The following ABHD18 variants were observed in gnomAD, a reference collection of about 807,000 sequenced individuals.
ABHD18 encodes cardiolipin-specific deacylase, mitochondrial.
A neutral mutation model predicts 65.9 loss-of-function variants in ABHD18; 55 were observed. The ratio of observed to expected loss-of-function variants is 0.84; its 90% CI spans 0.67 to 1.05. ABHD18 has a LOEUF of 1.05. Among genes scored for constraint, ABHD18 ranks in the 50% least tolerant of loss-of-function variants. The pLI, the probability that ABHD18 is intolerant of heterozygous loss-of-function variation, is 0.00. For missense variants in ABHD18, 533 were observed against 558.5 expected (o/e 0.95, Z 0.46); for synonymous variants, 181 against 180.2 (o/e 1.00, Z -0.04).
intron 1 of ABHD18, among the ~76,000 whole-genome samples, chr4:127,970,093 G>T (rs976976425): frequency 1.3e-5 from 2 of 151,878 alleles, no homozygotes; most frequent in Admixed American, 6.6e-5. Context: ...ATGTTGACCA[G>T]GCTGGTTTCA....
intron 1 of ABHD18, among the ~76,000 whole-genome samples, chr4:127,976,061 G>A (rs1579138793): frequency 6.6e-6 from 1 of 152,018 alleles, no homozygotes. Context: ...CAAGTGATCC[G>A]CCTGCCTCAG....
chr4:128,006,083 G>T (rs914933447), intron 4 of ABHD18, among the ~76,000 whole-genome samples: 9 of 152,074 alleles, frequency 5.9e-5, no homozygotes, highest in African/African-American at 2.2e-4. Context: ...GAGTCACATG[G>T]CCTGTACCCA....
At chr4:127,979,549 T>G (rs1307876812) in intron 1 of ABHD18, among the ~76,000 whole-genome samples, 1 of 151,784 alleles carries the variant, frequency 6.6e-6, no homozygotes, top group East Asian at 1.9e-4. Flanking sequence ...TGCGAGACTC[T>G]GTCTCAAAAC....
At chr4:127,990,800 T>C (rs555719438) in intron 4 of ABHD18, among the ~76,000 whole-genome samples, 2 of 152,254 alleles carry the variant, frequency 1.3e-5, no homozygotes, top group African/African-American at 2.4e-5. Context: ...AATTATACAA[T>C]AGTTGAAAAC....
chr4:127,993,083 AT>A (rs1046413894), intron 4 of ABHD18, among the ~76,000 whole-genome samples: 24 of 150,984 alleles, frequency 1.6e-4, no homozygotes, highest in African/African-American at 5.1e-4. Flanking sequence ...CAAAAAAAAA[AT>A]TTTTTTTTTA....
At chr4:128,016,767 A>G in intron 7 of ABHD18, among the ~76,000 whole-genome samples, 1 of 152,126 alleles carries the variant, frequency 6.6e-6, no homozygotes, top group Non-Finnish European at 1.5e-5. Flanking sequence ...ACAGAGCAAG[A>G]CTCCGTCTCA....
intron 1 of ABHD18, among the ~76,000 whole-genome samples, chr4:127,978,949 C>T (rs953943777): frequency 1.3e-5 from 2 of 152,120 alleles, no homozygotes; most frequent in Non-Finnish European, 2.9e-5. Context: ...AAATGTTCCT[C>T]AGTTTATGAT....
chr4:127,981,752 G>A (rs566465748), intron 1 of ABHD18, among the ~76,000 whole-genome samples: 2 of 151,968 alleles, frequency 1.3e-5, no homozygotes, highest in African/African-American at 4.8e-5. Flanking sequence ...GAACATTATT[G>A]TGTCAAAACC....
At chr4:128,004,053 A>G (rs533536366) in intron 4 of ABHD18, among the ~76,000 whole-genome samples, 3 of 151,962 alleles carry the variant, frequency 2.0e-5, no homozygotes, top group Non-Finnish European at 4.4e-5. Context: ...TATCCCCATG[A>G]TATAATTTTT....
chr4:128,002,127 T>C (rs1752747975), intron 4 of ABHD18, among the ~76,000 whole-genome samples: 1 of 151,986 alleles, frequency 6.6e-6, no homozygotes, highest in South Asian at 2.1e-4. Context: ...ATGCAAAAAT[T>C]AGCTGGGCGT....
At chr4:127,991,582 C>T (rs1325026638) in intron 4 of ABHD18, among the ~76,000 whole-genome samples, 7 of 152,122 alleles carry the variant, frequency 4.6e-5, no homozygotes, top group Non-Finnish European at 8.8e-5. Context: ...TAGATCTTTA[C>T]ACAGTTTTCT....
intron 4 of ABHD18, among the ~76,000 whole-genome samples, chr4:127,990,568 A>G (rs1055123364): frequency 1.3e-5 from 2 of 152,274 alleles, no homozygotes; most frequent in East Asian, 3.9e-4. Context: ...TCTCAAAAAA[A>G]AAATTTTTTT....
chr4:127,977,237 C>CTGA (rs1160742149), intron 1 of ABHD18, among the ~76,000 whole-genome samples: 6 of 151,928 alleles, frequency 3.9e-5, no homozygotes, highest in African/African-American at 1.5e-4. Context: ...CTTTGGGAGG[C>CTGA]TGAGGCAGGT....
chr4:128,029,984 T>C (rs1757976851), intron 11 of ABHD18, among the ~76,000 whole-genome samples: 1 of 152,026 alleles, frequency 6.6e-6, no homozygotes, highest in South Asian at 2.1e-4. Context: ...GAAACTCTTA[T>C]CTCCCAAAAG....
intron 12 of ABHD18, among the ~76,000 whole-genome samples, chr4:128,034,463 C>G (rs959868280): frequency 6.6e-6 from 1 of 151,932 alleles, no homozygotes; most frequent in South Asian, 2.1e-4. Flanking sequence ...GTTCCAGATA[C>G]TCAACAGGCT....
chr4:128,008,880 A>T, intron 4 of ABHD18, 40 bp from the exon 5 acceptor site: 1 of 1,434,832 alleles, frequency 7.0e-7, no homozygotes. Flanking sequence ...AAAGTCCTTT[A>T]AAGAGAATTT....
In ABHD18 at chr4:128,021,241, A is replaced by G; in HGVS notation, c.801+3A>G. ...TTCACATGCTTGAATACTGTGGAGT[A>G]AGTATTTCACTTTCCACCCAACATT... On this transcript the variant is annotated splice_donor_region_variant and intron_variant, in intron 10 of 12. Coordinates refer to ENST00000645843, the MANE Select transcript of ABHD18 (RefSeq NM_001358451.3). The G allele has an allele frequency of 6.8e-7, 1 of 1,481,458 alleles. No individual in the cohort carries two copies. The highest frequency in any genetic ancestry group is 9.2e-7 in the Non-Finnish European group (1 of 1,085,900). The allele number at this position is 1,481,458 out of a possible 1,614,324, so 91.8% of individuals were successfully genotyped here.
Position 127,989,504 on chromosome 4 carries a change from G to A in ABHD18, c.178-217G>A, listed in dbSNP as rs182606002. 1.2e-4 allele frequency among the ~76,000 whole-genome samples: 19 copies of A among 152,130 alleles called. No homozygotes were observed. In the East Asian group the frequency reaches 3.1e-3, roughly 25 times the overall value. ...TACCCTGATTTGATCATTACAACTC[G>A]TATGCCTGTATCAAAACATCACATG... On this transcript the variant is annotated intron_variant, in intron 3 of 12. Transcript: ENST00000645843.
intron 10 of ABHD18, among the ~76,000 whole-genome samples, chr4:128,025,631 G>A (rs1472738880): frequency 6.6e-6 from 1 of 152,172 alleles, no homozygotes; most frequent in African/African-American, 2.4e-5. Context: ...TTATATAAGT[G>A]TAAATTCCTA....
Sources: gnomAD v4.1 joint callset for allele counts (sites outside exome capture counted in the v4.1 genomes callset) on GRCh38, gnomAD v4.1.1 for gene constraint, MANE v1.5 for transcripts, NCBI Gene and HGNC (gene_info 2026-07-23, HGNC 2026-07-21) for gene names.